The following BBS7 variants were observed in gnomAD, a reference collection of about 807,000 sequenced individuals.
BBS7 encodes Bardet-Biedl syndrome 7.
In BBS7, 50 loss-of-function variants were observed where a neutral mutation model predicts 90.3. The observed-to-expected ratio is 0.55, with a 90% CI of 0.44 to 0.70. The LOEUF is 0.70. Ranked by LOEUF, BBS7 falls within the 30% of genes least tolerant of loss-of-function variation. The pLI is 0.00. For synonymous variants in BBS7, 235 were observed against 287.4 expected (o/e 0.82, Z 1.85); for missense variants, 729 against 838.9 (o/e 0.87, Z 1.62).
intron 15 of BBS7, among the ~76,000 whole-genome samples, chr4:121,829,688 A>G (rs572984615): frequency 6.6e-6 from 1 of 152,130 alleles, no homozygotes; most frequent in African/African-American, 2.4e-5. Context: ...ACCCCTGACC[A>G]CAGTGGTTCA....
chr4:121,848,978 G>A, intron 8 of BBS7, 50 bp from the exon 9 acceptor site: 1 of 1,381,368 alleles, frequency 7.2e-7, no homozygotes. Context: ...AAAATCCACA[G>A]ATATATTAAA....
intron 3 of BBS7, 81 bp downstream of exon 3, chr4:121,863,136 A>C: frequency 1.4e-6 from 2 of 1,385,314 alleles, no homozygotes; most frequent in Non-Finnish European, 2.0e-6. Context: ...TATTTTAGGA[A>C]ATTTTTAACC....
chr4:121,867,181 A>G (rs1727328757), intron 2 of BBS7, among the ~76,000 whole-genome samples: 1 of 151,622 alleles, frequency 6.6e-6, no homozygotes, highest in Non-Finnish European at 1.5e-5. Flanking sequence ...TTTATCTTTT[A>G]TCTATTATAA....
At chr4:121,865,104 A>C (rs1335098188) in intron 2 of BBS7, among the ~76,000 whole-genome samples, 1 of 152,006 alleles carries the variant, frequency 6.6e-6, no homozygotes, top group Non-Finnish European at 1.5e-5. Flanking sequence ...CTTTAACGTG[A>C]CCAACTTTTT....
intron 14 of BBS7, 51 bp from the exon 15 acceptor site, chr4:121,833,446 T>C: frequency 6.6e-7 from 1 of 1,521,602 alleles, no homozygotes; most frequent in Non-Finnish European, 9.1e-7. Context: ...TACATGAAAG[T>C]ATTATATGTA....
chr4:121,836,449 T>A lies in BBS7; in HGVS notation c.1372-1166A>T, dbSNP rs920912483. On this transcript the variant is annotated intron_variant, in intron 13 of 18. Transcript: ENST00000264499. Reference sequence around the variant, plus strand: ...ATATTTATATCATTATAGATAAAAATATATTCAAATTATACATAGAGGTTT... The same window carrying A: ...ATATTTATATCATTATAGATAAAAAAATATTCAAATTATACATAGAGGTTT... Among the ~76,000 whole-genome samples the A allele has an allele frequency of 3.9e-5, 6 of 152,208 alleles. 1 individual carries two copies. In the South Asian group the frequency reaches 8.3e-4, roughly 21 times the overall value.
chr4:121,858,960 T>C, intron 5 of BBS7, 32 bp downstream of exon 5: 6 of 1,590,568 alleles, frequency 3.8e-6, no homozygotes, highest in Middle Eastern at 1.7e-4. Flanking sequence ...TCACATAATA[T>C]AAAAAATTAG....
intron 1 of BBS7, among the ~76,000 whole-genome samples, chr4:121,869,430 G>T (rs1310350009): frequency 6.6e-6 from 1 of 152,196 alleles, no homozygotes; most frequent in African/African-American, 2.4e-5. Context: ...TAACCCCTTA[G>T]ATCCTCATTT....
chr4:121,825,716 CT>C lies in BBS7; in HGVS notation c.*143del. 1.4e-6 allele frequency: 1 copy of C among 733,006 alleles called. No homozygotes were observed. The highest frequency in any genetic ancestry group is 2.0e-6 in the Non-Finnish European group (1 of 494,118). The allele number at this position is 733,006 out of a possible 1,614,324, so 45.4% of individuals were successfully genotyped here. A position where few individuals can be genotyped will look rare whatever the true frequency, so the allele number is the denominator to read the frequency against. On this transcript the variant is annotated 3_prime_UTR_variant, in exon 19 of 19. Coordinates refer to ENST00000264499, the MANE Select transcript of BBS7 (RefSeq NM_176824.3). ...TTTGTCAAAAGAAATAGAAGCATTA[CT>C]TTAAAAAGCCATTATATCTCAAATA...
intron 5 of BBS7, 114 bp from the exon 6 acceptor site, chr4:121,855,675 T>C (rs1726572509): frequency 7.0e-6 from 7 of 1,001,614 alleles, no homozygotes; most frequent in East Asian, 2.5e-5. Flanking sequence ...TAGAATAAAA[T>C]TGCTTTAAAA....
intron 13 of BBS7, among the ~76,000 whole-genome samples, chr4:121,838,588 A>T (rs1444310198): frequency 6.6e-6 from 1 of 152,210 alleles, no homozygotes; most frequent in East Asian, 1.9e-4. Context: ...GTAATAAATG[A>T]TATCACTGGA....
At chr4:121,829,905 C>T (rs1459207882) in intron 15 of BBS7, among the ~76,000 whole-genome samples, 2 of 152,116 alleles carry the variant, frequency 1.3e-5, no homozygotes, top group African/African-American at 2.4e-5. Flanking sequence ...TCCAGTTGTG[C>T]GTGAGGCAGA....
chr4:121,855,910 GTA>G (rs143862611), intron 5 of BBS7, among the ~76,000 whole-genome samples: 2 of 143,138 alleles, frequency 1.4e-5, no homozygotes, highest in South Asian at 2.1e-4. Context: ...GTGTATATAT[GTA>G]TATATGTGTA....
chr4:121,855,457 A>G (rs2149080153), intron 6 of BBS7, 32 bp downstream of exon 6: 1 of 1,571,954 alleles, frequency 6.4e-7, no homozygotes, highest in East Asian at 2.2e-5. Context: ...TAAAACACAT[A>G]GTTGATTTGT....
rs1725281238 is a variant in BBS7 at position 121,833,248 on chromosome 4, T to C, written c.1659A>G (p.Gln553=). ...FYFQNTFLDT[Q]LESTYRKGEG... Reference sequence around the variant, plus strand: ...AGATTTACCTGTAGGTACTTTCAAGTTGTGTATCTAGAAAGGTGTTCTGAA... The same window carrying C: ...AGATTTACCTGTAGGTACTTTCAAGCTGTGTATCTAGAAAGGTGTTCTGAA... Residue 553 remains glutamine, a synonymous_variant, in exon 15 of 19, where the codon CAA becomes CAG. Transcript: ENST00000264499. 6.2e-7 allele frequency: 1 copy of C among 1,613,906 alleles called. No individual in the cohort carries two copies. The highest frequency in any genetic ancestry group is 2.2e-5 in the East Asian group (1 of 44,848).
intron 8 of BBS7, 121 bp from the exon 9 acceptor site, chr4:121,849,049 T>C (rs567034780): frequency 4.1e-6 from 3 of 728,388 alleles, no homozygotes; most frequent in East Asian, 5.2e-5. Context: ...TGAATGTTTA[T>C]GTGCAGACAC....
intron 12 of BBS7, 51 bp from the exon 13 acceptor site, chr4:121,839,747 C>CA (rs750901646): frequency 9.1e-5 from 132 of 1,453,262 alleles, no homozygotes; most frequent in East Asian, 1.4e-4. Flanking sequence ...TTTTTAGCAA[C>CA]AAAAAAAAGA....
intron 18 of BBS7, chr4:121,827,652 C>G (rs917948322): frequency 2.1e-6 from 1 of 475,408 alleles, no homozygotes; most frequent in African/African-American, 2.1e-5. Flanking sequence ...CTCCCTTACT[C>G]TGTTTCAATA....
intron 14 of BBS7, 66 bp from the exon 15 acceptor site, chr4:121,833,461 TTA>T: frequency 7.0e-7 from 1 of 1,420,988 alleles, no homozygotes; most frequent in Middle Eastern, 1.8e-4. Flanking sequence ...TATGTACACG[TTA>T]ATAAGCAGAA....
Sources: allele counts gnomAD v4.1 joint callset (sites outside exome capture counted in the v4.1 genomes callset), GRCh38; gene constraint gnomAD v4.1.1; transcripts MANE v1.5; gene names NCBI Gene and HGNC (gene_info 2026-07-23, HGNC 2026-07-21).